The following GLI3 variants were observed in gnomAD, a reference collection of about 807,000 sequenced individuals.
GLI3 encodes transcription activator GLI3.
GLI3 carries 20 observed loss-of-function variants against 100.8 expected under a neutral mutation model. The observed-to-expected ratio is 0.20, with a 90% CI of 0.14 to 0.29. The LOEUF (loss-of-function observed/expected upper bound fraction) is 0.29, where lower values mean the gene tolerates loss of function less well. GLI3 is among the 10% of genes least tolerant of loss of function. The probability of loss-of-function intolerance (pLI) is 1.00; values close to 1 mark genes in which losing one functional copy is unlikely to be tolerated. For synonymous variants in GLI3, 938 were observed against 860.5 expected, an observed-to-expected ratio of 1.09 and a Z score of -1.58; for missense variants, 2,040 against 2,128.5, an observed-to-expected ratio of 0.96 and a Z score of 0.82.
chr7:42,183,373 G>C (rs1249370457), intron 2 of GLI3, among the ~76,000 whole-genome samples: 1 of 152,198 alleles, frequency 6.6e-6, no homozygotes, highest in East Asian at 1.9e-4. Context: ...GCTAAATGCT[G>C]ATGAACTTTC....
intron 3 of GLI3, among the ~76,000 whole-genome samples, chr7:42,135,396 T>C (rs1464522667): frequency 1.3e-5 from 2 of 152,218 alleles, no homozygotes; most frequent in Non-Finnish European, 1.5e-5. Flanking sequence ...CAGGAGAGCA[T>C]TGCCACAACA....
chr7:42,221,588 A>T (rs1788488722), intron 2 of GLI3, among the ~76,000 whole-genome samples: 2 of 152,194 alleles, frequency 1.3e-5, no homozygotes, highest in Admixed American at 1.3e-4. Context: ...GCACTCACGC[A>T]AACTATAAAG....
chr7:42,113,556 C>A, intron 3 of GLI3: 1 of 1,184,918 alleles, frequency 8.4e-7, no homozygotes, highest in Non-Finnish European at 1.2e-6. Flanking sequence ...GGGAATAACC[C>A]TACAGAAAAT....
chr7:42,188,185 G>C (rs890628339), intron 2 of GLI3, among the ~76,000 whole-genome samples: 3 of 152,074 alleles, frequency 2.0e-5, no homozygotes, highest in Admixed American at 1.3e-4. Flanking sequence ...GTCAGAGGGA[G>C]TATGGGCCTG....
intron 10 of GLI3, among the ~76,000 whole-genome samples, chr7:41,991,638 G>C (rs766752621): frequency 1.3e-5 from 2 of 152,198 alleles, no homozygotes; most frequent in African/African-American, 2.4e-5. Context: ...TCATTTGTGT[G>C]CCATGGGCAA....
At chr7:42,083,120 T>C (rs1456452860) in intron 3 of GLI3, among the ~76,000 whole-genome samples, 1 of 152,236 alleles carries the variant, frequency 6.6e-6, no homozygotes, top group Non-Finnish European at 1.5e-5. Flanking sequence ...CATGCTGTGC[T>C]AACAAACATT....
intron 2 of GLI3, among the ~76,000 whole-genome samples, chr7:42,162,965 CTTTTTTTTTTTTT>C (rs58993499): frequency 5.2e-5 from 5 of 95,578 alleles, no homozygotes; most frequent in South Asian, 3.8e-4. Context: ...GAATAAACAC[CTTTTTTTTTTTTT>C]TTTTTTTTTT....
rs1408063835 is a variant in GLI3, at chr7:41,966,099, G to C, written c.2974C>G (p.Leu992Val). Residue 992 changes from leucine to valine, a missense_variant, in exon 15 of 15, where the codon CTG (leucine) becomes GTG (valine). Leu to Val is a conservative substitution (Grantham distance 32, BLOSUM62 1). Transcript: ENST00000395925. The surrounding 1 kb of genome is among the most constrained non-coding windows in gnomAD (Gnocchi z 5.8). ...GGAHGYGRRH[L>V]QPHDAPGHGV... The stretch of plus-strand genomic sequence containing the variant: ...TGGCCCGGCGCATCGTGCGGCTGCA[G>C]GTGGCGCCGCCCGTAGCCGTGGGCT... 1.9e-6 allele frequency: 3 copies of C among 1,572,138 alleles called. No homozygotes were observed. Among genetic ancestry groups the C allele is most frequent in the South Asian group, 1.1e-5 (1 of 87,854 alleles).
intron 10 of GLI3, among the ~76,000 whole-genome samples, chr7:42,022,482 GGAGA>G (rs1347775069): frequency 1.3e-5 from 2 of 152,102 alleles, no homozygotes; most frequent in East Asian, 1.9e-4. Flanking sequence ...AAGAGAAAGT[GGAGA>G]GAGAAAGAGA....
intron 2 of GLI3, among the ~76,000 whole-genome samples, chr7:42,183,273 G>T (rs1787653852): frequency 6.6e-6 from 1 of 152,082 alleles, no homozygotes; most frequent in Non-Finnish European, 1.5e-5. Context: ...CATCCTTTCA[G>T]GGTATAAACA....
In GLI3 at chr7:42,026,288, G is replaced by A; in HGVS notation, c.1153C>T (p.Pro385Ser). 6.2e-7 allele frequency: 1 copy of A among 1,614,132 alleles called. No homozygotes were observed. The highest frequency in any genetic ancestry group is 8.5e-7 in the Non-Finnish European group (1 of 1,180,000). Residue 385 changes from proline (P) to serine (S), a missense_variant, in exon 8 of 15, where the codon CCA (proline) becomes TCA (serine). By Grantham distance (74) the Pro-to-Ser change is moderately conservative. This residue lies in a region of GLI3 where 603 missense variants were observed against 690.9 expected (regional missense o/e 0.87). Transcript: ENST00000395925. ...GHSPPLIHPA[P>S]TFPTQRPIPG... is the part of the protein sequence containing the mutation. ...ATAGGCCTCTGTGTTGGAAAAGTTG[G>A]GGCAGGGTGGATGAGTGGAGGGCTG...
intron 4 of GLI3, among the ~76,000 whole-genome samples, chr7:42,058,111 G>GA (rs1784499053): frequency 1.3e-5 from 2 of 151,934 alleles, no homozygotes; most frequent in South Asian, 2.1e-4. Flanking sequence ...AAGTTCATCA[G>GA]AAAAAAATTA....
intron 3 of GLI3, among the ~76,000 whole-genome samples, chr7:42,078,425 G>A (rs1784926468): frequency 6.6e-6 from 1 of 152,088 alleles, no homozygotes; most frequent in South Asian, 2.1e-4. Flanking sequence ...TAAAAAAAAC[G>A]ATGAGCATAG....
At chr7:41,993,159 GGAGT>G (rs1441825080) in intron 10 of GLI3, among the ~76,000 whole-genome samples, 1 of 152,046 alleles carries the variant, frequency 6.6e-6, no homozygotes, top group Admixed American at 6.6e-5. Context: ...GAAAAAAGGT[GGAGT>G]GAGAGGAAAC....
intron 10 of GLI3, among the ~76,000 whole-genome samples, chr7:41,991,505 CA>C (rs1460153763): frequency 6.6e-6 from 1 of 152,182 alleles, no homozygotes; most frequent in Non-Finnish European, 1.5e-5. Flanking sequence ...AATCTCCATA[CA>C]CGCAATATGA....
At chr7:42,205,542 C>A (rs1248831784) in intron 2 of GLI3, among the ~76,000 whole-genome samples, 2 of 152,208 alleles carry the variant, frequency 1.3e-5, no homozygotes, top group Non-Finnish European at 2.9e-5. Flanking sequence ...ACTTAATAAG[C>A]ATGCAGCCCA....
At chr7:42,245,653 C>G (rs1788963482) in intron 1 of GLI3, among the ~76,000 whole-genome samples, 1 of 151,920 alleles carries the variant, frequency 6.6e-6, no homozygotes, top group African/African-American at 2.4e-5. Context: ...TGCACTCCAG[C>G]CTGGGTGACA....
At chr7:42,109,372 C>G (rs1785649636) in intron 3 of GLI3, among the ~76,000 whole-genome samples, 1 of 152,146 alleles carries the variant, frequency 6.6e-6, no homozygotes, top group Admixed American at 6.5e-5. Flanking sequence ...AAGTCTGGCA[C>G]CTCAGGAAAT....
intron 1 of GLI3, among the ~76,000 whole-genome samples, chr7:42,224,624 G>A (rs115215872): frequency 0.011 from 1,670 of 152,296 alleles, 27 homozygotes; most frequent in African/African-American, 0.038. Context: ...GAAAAAAGAA[G>A]CACTAAGTTA....
Sources: gnomAD v4.1 joint callset for allele counts (sites outside exome capture counted in the v4.1 genomes callset) on GRCh38, gnomAD v4.1.1 for gene constraint, gnomAD v4.1.1 regional missense constraint, Gnocchi (gnomAD v3.1) non-coding constraint, MANE v1.5 for transcripts, NCBI Gene and HGNC (gene_info 2026-07-23, HGNC 2026-07-21) for gene names.